Variants in STPG2 observed in about 807,000 individuals in gnomAD.
STPG2 encodes sperm-tail PG-rich repeat-containing protein 2.
A neutral mutation model predicts 54.2 loss-of-function variants in STPG2; 56 were observed. The ratio of observed to expected loss-of-function variants is 1.03; its 90% CI spans 0.83 to 1.29. STPG2 has a LOEUF of 1.29. Among genes scored for constraint, STPG2 ranks in the 50% most tolerant of loss-of-function variants. The probability of loss-of-function intolerance (pLI) is 0.00; values close to 1 mark genes in which losing one functional copy is unlikely to be tolerated. For missense variants in STPG2, 596 were observed against 544.9 expected (o/e 1.09, Z -0.93); for synonymous variants, 200 against 181.8 (o/e 1.10, Z -0.81).
intron 5 of STPG2, among the ~76,000 whole-genome samples, chr4:98,026,671 C>A (rs949364696): frequency 6.6e-6 from 1 of 152,194 alleles, no homozygotes; most frequent in Admixed American, 6.5e-5. Context: ...CTCCGGTCCA[C>A]TGACTCCAGT....
chr4:97,499,407 T>G (rs576406452), intron 4 of STPG2, among the ~76,000 whole-genome samples: 17 of 152,152 alleles, frequency 1.1e-4, no homozygotes, highest in Non-Finnish European at 2.2e-4. Context: ...TATCTGGCAC[T>G]GTTCTAAGCA....
chr4:97,844,067 G>GA (rs1276692483), intron 8 of STPG2, among the ~76,000 whole-genome samples: 1 of 151,702 alleles, frequency 6.6e-6, no homozygotes, highest in African/African-American at 2.4e-5. Context: ...AATTTTTCCA[G>GA]AATCAAGAGG....
chr4:97,648,357 A>G (rs1317820182), intron 10 of STPG2, among the ~76,000 whole-genome samples: 1 of 152,142 alleles, frequency 6.6e-6, no homozygotes, highest in East Asian at 1.9e-4. Context: ...CTGGCTTTAA[A>G]ATAGCTTGGT....
intron 8 of STPG2, among the ~76,000 whole-genome samples, chr4:97,886,860 C>T (rs1233078223): frequency 6.6e-6 from 1 of 152,190 alleles, no homozygotes; most frequent in African/African-American, 2.4e-5. Context: ...GCGCCATCCC[C>T]TCAGTGCTGT....
intron 10 of STPG2, among the ~76,000 whole-genome samples, chr4:97,700,868 G>T (rs1723749495): frequency 1.3e-5 from 2 of 152,238 alleles, no homozygotes; most frequent in African/African-American, 2.4e-5. Context: ...AGTACCAGGA[G>T]ATGTGTTAAT....
chr4:97,833,585 GA>G (rs1295646742), intron 9 of STPG2, among the ~76,000 whole-genome samples: 2 of 151,996 alleles, frequency 1.3e-5, no homozygotes, highest in Admixed American at 1.3e-4. Flanking sequence ...CAGAATGGGA[GA>G]ATAATTTTGC....
intron 10 of STPG2, among the ~76,000 whole-genome samples, chr4:97,618,673 T>C (rs1258716672): frequency 3.9e-5 from 6 of 152,172 alleles, no homozygotes; most frequent in Admixed American, 3.3e-4. Flanking sequence ...TGTTTCTCAA[T>C]ATAATGCTGT....
At chr4:97,609,697 C>T (rs1733685584) in intron 10 of STPG2, among the ~76,000 whole-genome samples, 1 of 151,778 alleles carries the variant, frequency 6.6e-6, no homozygotes. Flanking sequence ...CTTATAATTT[C>T]CATATATTTC....
intron 9 of STPG2, among the ~76,000 whole-genome samples, chr4:97,732,227 C>T (rs1415352275): frequency 6.6e-6 from 1 of 152,138 alleles, no homozygotes; most frequent in African/African-American, 2.4e-5. Flanking sequence ...TGGAGCTCTC[C>T]CTCCATCTCC....
chr4:98,077,387 C>T (rs1001464720), intron 5 of STPG2, among the ~76,000 whole-genome samples: 9 of 152,152 alleles, frequency 5.9e-5, no homozygotes, highest in Non-Finnish European at 4.4e-5. Context: ...GGACTACAGG[C>T]GCGTACCACC....
chr4:97,447,265 G>A (rs1729246552), intron 4 of STPG2, among the ~76,000 whole-genome samples: 2 of 152,310 alleles, frequency 1.3e-5, no homozygotes, highest in African/African-American at 2.4e-5. Context: ...GGCACGTGGA[G>A]CATAAAAGTT....
chr4:97,924,357 C>T lies in STPG2; in HGVS notation c.1044+19540G>A, dbSNP rs182397644. On this transcript the variant is annotated intron_variant, in intron 8 of 10. Transcript: ENST00000295268. ...ACATATGTGATGGAAAATGCCTTTTCCTCTACACATGCTATAGTAATACAA... is the reference window on the plus strand; with the variant it reads ...ACATATGTGATGGAAAATGCCTTTTTCTCTACACATGCTATAGTAATACAA... Among the ~76,000 whole-genome samples the T allele has an allele frequency of 8.0e-4, 122 of 152,316 alleles. 1 individual carries two copies. The highest frequency in any genetic ancestry group is 1.5e-3 in the Non-Finnish European group (102 of 68,024).
At chr4:97,856,918 A>G (rs1729356940) in intron 8 of STPG2, among the ~76,000 whole-genome samples, 1 of 152,162 alleles carries the variant, frequency 6.6e-6, no homozygotes, top group Non-Finnish European at 1.5e-5. Flanking sequence ...TAAGATAATC[A>G]TGTGGTTTTT....
At chr4:97,945,128 G>T (rs1490937348) in intron 7 of STPG2, among the ~76,000 whole-genome samples, 1 of 152,066 alleles carries the variant, frequency 6.6e-6, no homozygotes, top group Non-Finnish European at 1.5e-5. Flanking sequence ...GTACAGTGGT[G>T]AATTCTTAGA....
chr4:98,090,456 T>C (rs1181088482), intron 5 of STPG2, among the ~76,000 whole-genome samples: 1 of 152,120 alleles, frequency 6.6e-6, no homozygotes, highest in African/African-American at 2.4e-5. Context: ...TTGGTACATA[T>C]AGGCTTGTAG....
chr4:97,968,273 T>C (rs952717001), intron 7 of STPG2, among the ~76,000 whole-genome samples: 3 of 151,956 alleles, frequency 2.0e-5, no homozygotes, highest in African/African-American at 7.3e-5. Context: ...CAATAACAGG[T>C]TCTGAAATTG....
intron 9 of STPG2, among the ~76,000 whole-genome samples, chr4:97,732,148 G>C (rs1724818661): frequency 6.6e-6 from 1 of 152,152 alleles, no homozygotes. Flanking sequence ...AGCCTCAAGG[G>C]ACAGGCACCT....
At chr4:97,998,551 T>C (rs1337180758) in intron 5 of STPG2, among the ~76,000 whole-genome samples, 1 of 152,184 alleles carries the variant, frequency 6.6e-6, no homozygotes, top group Non-Finnish European at 1.5e-5. Context: ...CTCCAGTAAG[T>C]TTGGAATCAG....
chr4:97,590,722 T>C, intron 10 of STPG2, among the ~76,000 whole-genome samples: 1 of 148,130 alleles, frequency 6.8e-6, no homozygotes, highest in East Asian at 2.0e-4. Context: ...ACTCAAGTAT[T>C]AACAAAAATG....
Sources: allele counts gnomAD v4.1 joint callset (sites outside exome capture counted in the v4.1 genomes callset), GRCh38; gene constraint gnomAD v4.1.1; transcripts MANE v1.5; gene names NCBI Gene and HGNC (gene_info 2026-07-23, HGNC 2026-07-21).